CSMD1: variants seen among roughly 807,000 people sequenced by gnomAD.
CSMD1 encodes CUB and sushi domain-containing protein 1.
A neutral mutation model predicts 417.5 loss-of-function variants in CSMD1; 213 were observed. The ratio of observed to expected loss-of-function variants is 0.51; its 90% CI spans 0.46 to 0.57. The LOEUF is 0.57. CSMD1 is among the 20% of genes least tolerant of loss of function. CSMD1 has a pLI of 0.00. For synonymous variants in CSMD1, 2,862 were observed against 1,736.8 expected, an observed-to-expected ratio of 1.65 and a Z score of -16.11; for missense variants, 6,923 against 4,529.7, an observed-to-expected ratio of 1.53 and a Z score of -15.17.
intron 3 of CSMD1, among the ~76,000 whole-genome samples, chr8:4,073,645 G>A (rs1262424034): frequency 6.6e-6 from 1 of 152,058 alleles, no homozygotes; most frequent in Non-Finnish European, 1.5e-5. Context: ...AATTTATTCT[G>A]GGGAATAATT....
intron 1 of CSMD1, among the ~76,000 whole-genome samples, chr8:4,831,446 C>G (rs144446428): frequency 6.6e-6 from 1 of 152,120 alleles, no homozygotes; most frequent in African/African-American, 2.4e-5. Context: ...TTATGGAGTA[C>G]ATTCTATGTG....
chr8:4,353,192 T>C (rs183123350), intron 3 of CSMD1, among the ~76,000 whole-genome samples: 8 of 152,310 alleles, frequency 5.3e-5, no homozygotes, highest in Admixed American at 1.3e-4. Flanking sequence ...ACGTGTCAAG[T>C]GTGGAGCCAG....
At chr8:4,682,219 G>A (rs1051727999) in intron 1 of CSMD1, among the ~76,000 whole-genome samples, 2 of 152,042 alleles carry the variant, frequency 1.3e-5, no homozygotes, top group African/African-American at 4.8e-5. Context: ...TTGTAGAGAT[G>A]GGATTTCACT....
intron 5 of CSMD1, among the ~76,000 whole-genome samples, chr8:3,791,941 C>T (rs1270800624): frequency 6.6e-6 from 1 of 152,142 alleles, no homozygotes; most frequent in Non-Finnish European, 1.5e-5. Flanking sequence ...TTTGCACCAA[C>T]CTAATAGCTT....
chr8:4,497,018 T>C (rs559591520), intron 2 of CSMD1, among the ~76,000 whole-genome samples: 30 of 152,178 alleles, frequency 2.0e-4, no homozygotes, highest in African/African-American at 7.0e-4. Flanking sequence ...CTTACAAAAA[T>C]AAAATAAAAT....
At chr8:4,476,926 A>C (rs867033751) in intron 2 of CSMD1, among the ~76,000 whole-genome samples, 14 of 152,206 alleles carry the variant, frequency 9.2e-5, no homozygotes, top group Non-Finnish European at 1.3e-4. Context: ...AAGAGAAAGA[A>C]ATGAAGCAGG....
At chr8:4,377,847 T>C (rs1225620988) in intron 3 of CSMD1, among the ~76,000 whole-genome samples, 1 of 152,244 alleles carries the variant, frequency 6.6e-6, no homozygotes, top group East Asian at 1.9e-4. Flanking sequence ...CCAATTAGTA[T>C]ACTTCTGTAA....
In CSMD1 at chr8:4,031,657, T is replaced by C. The variant is rs1006280850; in HGVS notation, c.610+248A>G. On this transcript the variant is annotated intron_variant, in intron 4 of 69. Coordinates refer to ENST00000635120, the MANE Select transcript of CSMD1 (RefSeq NM_033225.6). ...TTTTCTCGTATAACATGTAATATTA[T>C]ATATTATTACTTATCACATGTTATT... 2.6e-5 allele frequency among the ~76,000 whole-genome samples: 4 copies of C among 152,180 alleles called. No homozygotes were observed. In the East Asian group the frequency reaches 5.8e-4, roughly 22 times the overall value.
chr8:3,687,378 G>T (rs967967186), intron 7 of CSMD1, among the ~76,000 whole-genome samples: 1 of 152,196 alleles, frequency 6.6e-6, no homozygotes, highest in African/African-American at 2.4e-5. Flanking sequence ...TCCATGGTGA[G>T]CAGGGATATG....
chr8:3,637,409 A>G (rs961912859), intron 7 of CSMD1, among the ~76,000 whole-genome samples: 1 of 152,192 alleles, frequency 6.6e-6, no homozygotes, highest in African/African-American at 2.4e-5. Context: ...ATTAACTTAA[A>G]TAAATTAAAT....
intron 4 of CSMD1, among the ~76,000 whole-genome samples, chr8:4,030,436 T>C (rs1434123976): frequency 1.3e-5 from 2 of 152,248 alleles, no homozygotes; most frequent in Non-Finnish European, 2.9e-5. Flanking sequence ...GGCTTGAGGC[T>C]TACATCCTCT....
intron 8 of CSMD1, among the ~76,000 whole-genome samples, chr8:3,595,133 G>A (rs561265579): frequency 2.0e-5 from 3 of 152,250 alleles, no homozygotes; most frequent in South Asian, 2.1e-4. Flanking sequence ...CTACTCAGAT[G>A]GGAACTTGGA....
intron 1 of CSMD1, among the ~76,000 whole-genome samples, chr8:4,730,210 A>G (rs1809752043): frequency 6.6e-6 from 1 of 150,580 alleles, no homozygotes; most frequent in Non-Finnish European, 1.5e-5. Flanking sequence ...AGACAGAAGA[A>G]AACAAAACAA....
chr8:4,854,893 G>C (rs547779446), intron 1 of CSMD1, among the ~76,000 whole-genome samples: 3 of 152,216 alleles, frequency 2.0e-5, no homozygotes, highest in African/African-American at 4.8e-5. Flanking sequence ...CAGGAAGCTC[G>C]AACTGGGTGG....
intron 1 of CSMD1, among the ~76,000 whole-genome samples, chr8:4,763,320 T>A (rs1812238949): frequency 6.6e-6 from 1 of 152,212 alleles, no homozygotes; most frequent in Non-Finnish European, 1.5e-5. Flanking sequence ...TCCTGAATGA[T>A]CTCATCCCCA....
At chr8:3,016,614 T>A (rs1253325870) in intron 52 of CSMD1, among the ~76,000 whole-genome samples, 1 of 152,250 alleles carries the variant, frequency 6.6e-6, no homozygotes, top group Admixed American at 6.5e-5. Context: ...AGTATGTACA[T>A]ATGTATGTGT....
intron 1 of CSMD1, among the ~76,000 whole-genome samples, chr8:4,884,026 G>A (rs947503412): frequency 6.6e-6 from 1 of 151,880 alleles, no homozygotes; most frequent in Non-Finnish European, 1.5e-5. Flanking sequence ...AATAGCCTTC[G>A]TAGTGAATGT....
rs1053850145 is a variant in CSMD1 at position 4,986,173 on chromosome 8, T to C, written c.85+8159A>G. On this transcript the variant is annotated intron_variant, in intron 1 of 69. Transcript: ENST00000635120. The stretch of plus-strand genomic sequence containing the variant: ...TTGAGATAAAAGTGAAGATAGACTC[T>C]AACTTCAGTGGAATCCACCATTTTC... Among the ~76,000 whole-genome samples the C allele has an allele frequency of 1.8e-4, 28 of 152,224 alleles. 1 individual carries two copies. Among genetic ancestry groups the C allele is most frequent in the Non-Finnish European group, 7.4e-5 (5 of 68,026 alleles).
chr8:3,895,708 G>A (rs907472677), intron 5 of CSMD1, among the ~76,000 whole-genome samples: 3 of 152,130 alleles, frequency 2.0e-5, no homozygotes, highest in Non-Finnish European at 4.4e-5. Flanking sequence ...TTCCTAACTT[G>A]TCAATTTATT....
Sources: allele counts gnomAD v4.1 joint callset (sites outside exome capture counted in the v4.1 genomes callset), GRCh38; gene constraint gnomAD v4.1.1; transcripts MANE v1.5; gene names NCBI Gene and HGNC (gene_info 2026-07-23, HGNC 2026-07-21).